The following RGS9 variants were observed in gnomAD, a reference collection of about 807,000 sequenced individuals.
RGS9 encodes regulator of G-protein signalling 9.
A neutral mutation model predicts 102.0 loss-of-function variants in RGS9; 78 were observed. The observed-to-expected ratio is 0.76, with a 90% CI of 0.64 to 0.92. The LOEUF (loss-of-function observed/expected upper bound fraction) is 0.92, where lower values mean the gene tolerates loss of function less well. RGS9 is among the 40% of genes least tolerant of loss of function. RGS9 has a pLI of 0.00. For synonymous variants in RGS9, 353 were observed against 318.6 expected (o/e 1.11, Z -1.15); for missense variants, 833 against 866.1 (o/e 0.96, Z 0.48).
chr17:65,166,314 TG>T (rs1429455437), intron 7 of RGS9, among the ~76,000 whole-genome samples: 1 of 151,928 alleles, frequency 6.6e-6, no homozygotes, highest in Non-Finnish European at 1.5e-5. Context: ...GTCAAAGAAT[TG>T]TAGACATATT....
intron 2 of RGS9, 55 bp from the exon 3 acceptor site, chr17:65,158,240 G>T: frequency 6.5e-7 from 1 of 1,534,412 alleles, no homozygotes; most frequent in South Asian, 1.1e-5. Context: ...GCGTGGAGGA[G>T]CGGGGATGTG....
intron 9 of RGS9, among the ~76,000 whole-genome samples, chr17:65,186,869 C>A (rs907410607): frequency 3.3e-5 from 5 of 152,172 alleles, no homozygotes; most frequent in African/African-American, 7.2e-5. Context: ...AAAAGTACAG[C>A]TCCCCCTTTG....
At chr17:65,227,226 C>G in intron 18 of RGS9, 49 bp from the exon 19 acceptor site, 1 of 1,613,076 alleles carries the variant, frequency 6.2e-7, no homozygotes, top group Non-Finnish European at 8.5e-7. Flanking sequence ...GAGGTGCAGT[C>G]CCTCCTGCCC....
At chr17:65,184,202 G>GT (rs1912015109) in intron 9 of RGS9, among the ~76,000 whole-genome samples, 1 of 151,680 alleles carries the variant, frequency 6.6e-6, no homozygotes, top group Non-Finnish European at 1.5e-5. Flanking sequence ...CTTTTTTTTT[G>GT]TAACAACTTC....
chr17:65,169,870 C>T (rs186765034), intron 8 of RGS9, among the ~76,000 whole-genome samples: 27 of 151,846 alleles, frequency 1.8e-4, no homozygotes, highest in African/African-American at 6.0e-4. Flanking sequence ...CCACCTCCCA[C>T]TCCCTCACCT....
intron 16 of RGS9, among the ~76,000 whole-genome samples, chr17:65,208,670 CA>C (rs771722610): frequency 3.3e-5 from 5 of 152,086 alleles, no homozygotes; most frequent in African/African-American, 4.8e-5. Context: ...GCAGCTTGAA[CA>C]AAACTGTAAG....
chr17:65,167,874 C>T (rs1001160051), intron 7 of RGS9, among the ~76,000 whole-genome samples: 1 of 152,134 alleles, frequency 6.6e-6, no homozygotes, highest in Non-Finnish European at 1.5e-5. Flanking sequence ...AGTGCAAGTG[C>T]CACTTCTGCC....
At chr17:65,155,542 T>G (rs1334725096) in intron 2 of RGS9, among the ~76,000 whole-genome samples, 1 of 152,164 alleles carries the variant, frequency 6.6e-6, no homozygotes, top group Non-Finnish European at 1.5e-5. Flanking sequence ...GTTTGTTTTG[T>G]TTTGTTTGTT....
In RGS9 at chr17:65,173,836, A is replaced by AGAAATGGATGAATGAG. The variant is rs1399325099; in HGVS notation, c.583-3881_583-3880insGGAAATGGATGAATGA. On this transcript the variant is annotated intron_variant, in intron 8 of 18. Transcript: ENST00000262406. The surrounding 1 kb of genome is among the most constrained non-coding windows in gnomAD (Gnocchi z 4.8). ...AGACTTTACACTACCTGATGAATGAAGAAATGGATGAATGAAAGGAGCTTG... is the reference window on the plus strand; with the variant it reads ...AGACTTTACACTACCTGATGAATGAAGAAATGGATGAATGAGGAAATGGATGAATGAAAGGAGCTTG... Among the ~76,000 whole-genome samples the AGAAATGGATGAATGAG allele has an allele frequency of 3.3e-3, 500 of 152,344 alleles. 4 individuals are homozygous for AGAAATGGATGAATGAG. The highest frequency in any genetic ancestry group is 0.011 in the African/African-American group (477 of 41,576).
chr17:65,172,943 G>C (rs1263752561), intron 8 of RGS9, among the ~76,000 whole-genome samples: 1 of 148,912 alleles, frequency 6.7e-6, no homozygotes, highest in Non-Finnish European at 1.5e-5. Context: ...TTTTTTTTGA[G>C]ATGGAGTGTT....
At chr17:65,208,493 A>G (rs1438260009) in intron 16 of RGS9, among the ~76,000 whole-genome samples, 2 of 152,156 alleles carry the variant, frequency 1.3e-5, no homozygotes, top group East Asian at 1.9e-4. Context: ...ATGTTTTAGA[A>G]GTCCATGAAC....
At chr17:65,145,475 G>C (rs1336326496) in intron 1 of RGS9, among the ~76,000 whole-genome samples, 1 of 150,998 alleles carries the variant, frequency 6.6e-6, no homozygotes, top group Non-Finnish European at 1.5e-5. Context: ...TGCAACCTCT[G>C]CCTCCCGGGT....
At position 65,196,198 on chromosome 17, in the gene RGS9, A is replaced by G. The variant is rs145411442; in HGVS notation, c.861-928A>G. Reference sequence around the variant, plus strand: ...ATGTGTGTAACGCACAGTACCTCACATAGGACAATGCTTTGTGAATGGCAG... The same window carrying G: ...ATGTGTGTAACGCACAGTACCTCACGTAGGACAATGCTTTGTGAATGGCAG... On this transcript the variant is annotated intron_variant, in intron 12 of 18. Coordinates refer to ENST00000262406, the MANE Select transcript of RGS9 (RefSeq NM_003835.4). 3.3e-5 allele frequency among the ~76,000 whole-genome samples: 5 copies of G among 152,368 alleles called. No individual in the cohort carries two copies. In the East Asian group the frequency reaches 5.8e-4, roughly 18 times the overall value.
At chr17:65,207,722 G>A (rs1913122102) in intron 15 of RGS9, among the ~76,000 whole-genome samples, 200 bp from the exon 16 acceptor site, 1 of 152,108 alleles carries the variant, frequency 6.6e-6, no homozygotes, top group South Asian at 2.1e-4. Flanking sequence ...AAGTTCCCAG[G>A]TGAAATTGAT....
At chr17:65,198,247 G>A (rs764175104) in intron 13 of RGS9, among the ~76,000 whole-genome samples, 1 of 146,570 alleles carries the variant, frequency 6.8e-6, no homozygotes, top group Non-Finnish European at 1.5e-5. Context: ...CACCTCATGA[G>A]GGGAACTGTG....
At chr17:65,208,126 G>A (rs1173021896) in intron 16 of RGS9, 119 bp downstream of exon 16, 1 of 719,876 alleles carries the variant, frequency 1.4e-6, no homozygotes, top group Non-Finnish European at 2.5e-6. Context: ...ATTGGGGACT[G>A]GGAAGTATTG....
At chr17:65,155,567 G>A (rs1217097467) in intron 2 of RGS9, among the ~76,000 whole-genome samples, 3 of 152,128 alleles carry the variant, frequency 2.0e-5, no homozygotes, top group Admixed American at 2.0e-4. Context: ...TTGAGACAGG[G>A]TCTCATGCTG....
rs756470034 is a variant in RGS9, at chr17:65,225,440, G to T, written c.1846G>T (p.Asp616Tyr). ...CCACGGGAGGGTGCAGCCCCTGGGG[G>T]ACGTGGGCCAGCAGCTGCCACGATT... is the stretch of plus-strand genomic sequence containing the variant. ...VSHGRVQPLG[D>Y]VGQQLPRLKS... Residue 616 changes from aspartate to tyrosine, a missense_variant, in exon 18 of 19, where the codon GAC becomes TAC. Physicochemically the swap from Asp to Tyr is radical, Grantham distance 160 (BLOSUM62 -3). Transcript: ENST00000262406. 1.9e-6 allele frequency: 3 copies of T among 1,607,908 alleles called. No homozygotes were observed. The highest frequency in any genetic ancestry group is 1.1e-5 in the South Asian group (1 of 91,070).
intron 12 of RGS9, 103 bp downstream of exon 12, chr17:65,193,759 A>G (rs765744643): frequency 1.8e-5 from 13 of 738,238 alleles, no homozygotes; most frequent in Non-Finnish European, 3.2e-5. Context: ...AATGGTTTTT[A>G]TTATATTCAT....
Sources: gnomAD v4.1 joint callset for allele counts (sites outside exome capture counted in the v4.1 genomes callset) on GRCh38, gnomAD v4.1.1 for gene constraint, Gnocchi (gnomAD v3.1) non-coding constraint, MANE v1.5 for transcripts, NCBI Gene and HGNC (gene_info 2026-07-23, HGNC 2026-07-21) for gene names.